The following SDK1 variants were observed in gnomAD, a reference collection of about 807,000 sequenced individuals.
The protein encoded by SDK1 is protein sidekick-1.
In SDK1, 157 loss-of-function variants were observed where a neutral mutation model predicts 245.5. The observed-to-expected ratio is 0.64, with a 90% CI of 0.56 to 0.73. The LOEUF (loss-of-function observed/expected upper bound fraction) is 0.73. Among genes scored for constraint, SDK1 ranks in the 30% least tolerant of loss-of-function variants. The pLI, the probability that SDK1 is intolerant of heterozygous loss-of-function variation, is 0.00. For synonymous variants in SDK1, 1,647 were observed against 1,278.5 expected, an observed-to-expected ratio of 1.29 and a Z score of -6.15; for missense variants, 3,583 against 3,002.3, an observed-to-expected ratio of 1.19 and a Z score of -4.52.
intron 17 of SDK1, among the ~76,000 whole-genome samples, chr7:4,040,030 G>C (rs1022452378): frequency 4.6e-5 from 7 of 152,204 alleles, no homozygotes; most frequent in Non-Finnish European, 5.9e-5. Context: ...CCCTGCATGA[G>C]AGGAAGACGC....
intron 5 of SDK1, among the ~76,000 whole-genome samples, chr7:3,904,395 T>C (rs1165577773): frequency 1.3e-5 from 2 of 151,932 alleles, no homozygotes; most frequent in African/African-American, 2.4e-5. Flanking sequence ...TAATATAATA[T>C]AAATATTCTG....
rs117984217 is a variant in SDK1 at position 3,385,150 on chromosome 7, T to C, written c.298+83266T>C. 5.6e-3 allele frequency among the ~76,000 whole-genome samples: 860 copies of C among 152,310 alleles called. 6 individuals are homozygous for C. Among genetic ancestry groups the C allele is most frequent in the South Asian group, 0.021 (103 of 4,818 alleles). The stretch of plus-strand genomic sequence containing the variant: ...GGTTCAGGTATGGATTCTACCACTT[T>C]CCACTCACGTCATCTTAGGCAAGTT... On this transcript the variant is annotated intron_variant, in intron 1 of 44. Coordinates refer to ENST00000404826, the MANE Select transcript of SDK1 (RefSeq NM_152744.4).
intron 1 of SDK1, among the ~76,000 whole-genome samples, chr7:3,587,878 T>C (rs896828153): frequency 6.6e-6 from 1 of 152,228 alleles, no homozygotes; most frequent in African/African-American, 2.4e-5. Context: ...CTCCTGTGTG[T>C]TCTCAGTAGC....
chr7:4,246,340 C>G (rs1407288979), intron 44 of SDK1, among the ~76,000 whole-genome samples: 2 of 152,164 alleles, frequency 1.3e-5, no homozygotes, highest in African/African-American at 2.4e-5. Flanking sequence ...CCACCTCTTA[C>G]AGATGGAGCC....
intron 40 of SDK1, among the ~76,000 whole-genome samples, chr7:4,228,574 C>G (rs1322729651): frequency 6.6e-6 from 1 of 152,222 alleles, no homozygotes; most frequent in African/African-American, 2.4e-5. Context: ...GAGTCTCACT[C>G]TGTTGCCCAG....
chr7:3,485,847 A>G (rs915221768), intron 1 of SDK1, among the ~76,000 whole-genome samples: 1 of 151,682 alleles, frequency 6.6e-6, no homozygotes, highest in African/African-American at 2.4e-5. Context: ...TTTCTAAAAC[A>G]TCTTAGGTTT....
intron 13 of SDK1, among the ~76,000 whole-genome samples, chr7:3,984,990 G>T (rs1783713549): frequency 1.3e-5 from 2 of 152,198 alleles, no homozygotes; most frequent in Admixed American, 1.3e-4. Flanking sequence ...GCCTCCCAGA[G>T]TTGAATCACT....
intron 1 of SDK1, among the ~76,000 whole-genome samples, chr7:3,316,881 T>C (rs1471095344): frequency 1.3e-5 from 2 of 152,082 alleles, no homozygotes; most frequent in Non-Finnish European, 2.9e-5. Flanking sequence ...TTTAAACCTT[T>C]TAAAAAGGGT....
At chr7:4,237,900 AGGTGCTGAG>A (rs1316391973) in intron 42 of SDK1, 116 bp downstream of exon 42, 1 of 1,240,718 alleles carries the variant, frequency 8.1e-7, no homozygotes, top group African/African-American at 1.5e-5. Flanking sequence ...ATTTGCTTGT[AGGTGCTGAG>A]AGAAATGCAA....
At chr7:3,926,020 T>G (rs895254963) in intron 5 of SDK1, among the ~76,000 whole-genome samples, 7 of 152,016 alleles carry the variant, frequency 4.6e-5, no homozygotes, top group African/African-American at 1.4e-4. Flanking sequence ...CACGTGAGAG[T>G]GTGGCCTGTG....
intron 5 of SDK1, among the ~76,000 whole-genome samples, chr7:3,835,469 C>G (rs972280809): frequency 6.6e-6 from 1 of 152,136 alleles, no homozygotes; most frequent in African/African-American, 2.4e-5. Flanking sequence ...TTGCTGGACA[C>G]TTTCACTTGG....
At chr7:3,935,179 G>C (rs1474418277) in intron 5 of SDK1, among the ~76,000 whole-genome samples, 7 of 152,172 alleles carry the variant, frequency 4.6e-5, no homozygotes, top group Non-Finnish European at 1.0e-4. Flanking sequence ...CGATGGGCAG[G>C]GCACAGGCAG....
chr7:3,416,499 G>A (rs1779370105), intron 1 of SDK1, among the ~76,000 whole-genome samples: 1 of 150,738 alleles, frequency 6.6e-6, no homozygotes, highest in African/African-American at 2.4e-5. Flanking sequence ...AACAAGGGGT[G>A]GAGGCCTGCA....
chr7:3,831,919 TG>T (rs1382717712), intron 5 of SDK1, among the ~76,000 whole-genome samples: 1 of 151,718 alleles, frequency 6.6e-6, no homozygotes, highest in Admixed American at 6.6e-5. Flanking sequence ...GGTGTGGTAG[TG>T]CATACCTGTG....
chr7:3,657,161 G>A (rs755466862), intron 4 of SDK1, among the ~76,000 whole-genome samples: 2 of 152,198 alleles, frequency 1.3e-5, no homozygotes, highest in Non-Finnish European at 2.9e-5. Context: ...GTCAAGAAGA[G>A]TCACAGGGTG....
At chr7:3,776,664 C>T (rs1051987640) in intron 4 of SDK1, among the ~76,000 whole-genome samples, 1 of 150,842 alleles carries the variant, frequency 6.6e-6, no homozygotes, top group Non-Finnish European at 1.5e-5. Flanking sequence ...AGTAACTGAC[C>T]TATAAAACAA....
chr7:3,620,506 T>TCTCAAACTCC (rs1562608076), intron 2 of SDK1, among the ~76,000 whole-genome samples: 1 of 152,150 alleles, frequency 6.6e-6, no homozygotes. Flanking sequence ...TTTCACCATG[T>TCTCAAACTCC]TGACCAGGCT....
At chr7:3,642,696 A>T (rs1211858043) in intron 4 of SDK1, 7 of 152,256 alleles carry the variant, frequency 4.6e-5, no homozygotes, top group South Asian at 2.1e-4. Context: ...CTCACATTCA[A>T]GATATTTATC....
At chr7:3,424,976 G>A (rs1400527923) in intron 1 of SDK1, among the ~76,000 whole-genome samples, 1 of 152,090 alleles carries the variant, frequency 6.6e-6, no homozygotes, top group African/African-American at 2.4e-5. Flanking sequence ...TTTTTTTGAA[G>A]TAGCAGGGCT....
Sources: gnomAD v4.1 joint callset for allele counts (sites outside exome capture counted in the v4.1 genomes callset) on GRCh38, gnomAD v4.1.1 for gene constraint, MANE v1.5 for transcripts, NCBI Gene and HGNC (gene_info 2026-07-23, HGNC 2026-07-21) for gene names.